HDHD5: variants seen among roughly 807,000 people sequenced by gnomAD.
HDHD5 encodes the protein haloacid dehalogenase like hydrolase domain containing 5.
Under a neutral mutation model 35.5 loss-of-function variants are expected in HDHD5, and 34 were observed. The ratio of observed to expected loss-of-function variants is 0.96; its 90% CI spans 0.73 to 1.28. HDHD5 has a LOEUF of 1.28. HDHD5 is among the 50% of genes most tolerant of loss of function. The pLI, the probability that HDHD5 is intolerant of heterozygous loss-of-function variation, is 0.00. For missense variants in HDHD5, 589 were observed against 560.2 expected, an observed-to-expected ratio of 1.05 and a Z score of -0.52; for synonymous variants, 248 against 240.6, an observed-to-expected ratio of 1.03 and a Z score of -0.29.
At chr22:17,159,598 GA>G (rs2061847702), upstream of HDHD5, 2 of 423,644 alleles carry the variant, frequency 4.7e-6, no homozygotes, top group African/African-American at 4.3e-5. Flanking sequence ...CAGCTTCGCG[GA>G]CTGTCTGGGC....
At chr22:17,157,426 T>TA (rs2061811282) in intron 1 of HDHD5, among the ~76,000 whole-genome samples, 2 of 152,032 alleles carry the variant, frequency 1.3e-5, no homozygotes, top group South Asian at 4.2e-4. Context: ...ATCCATTACA[T>TA]AGATGGGGAA....
chr22:17,138,604 C>T lies in HDHD5; in HGVS notation c.881G>A (p.Arg294Gln), dbSNP rs565778414. The T allele has an allele frequency of 3.1e-6, 5 of 1,614,206 alleles. No homozygotes were observed. Among genetic ancestry groups the T allele is most frequent in the South Asian group, 2.2e-5 (2 of 91,078 alleles). The change falls in exon 7 of 8, where the codon CGA (arginine) becomes CAA (glutamine). Residue 294 changes from arginine (R) to glutamine (Q), a missense_variant. By Grantham distance (43) the Arg-to-Gln change is conservative (BLOSUM62 1). Transcript: ENST00000336737. ...GGCCCAGCCCCGCCTCTCCGCCTGT[C>T]GCCTGATCAGGTCCTCGGCATACTG... is the stretch of plus-strand genomic sequence containing the variant. ...TYQYAEDLIR[R>Q]QAERRGWAAP...
chr22:17,142,527 C>T (rs1228704100), intron 5 of HDHD5: 3 of 152,240 alleles, frequency 2.0e-5, no homozygotes, highest in Admixed American at 6.5e-5. Flanking sequence ...CGGTAAAACA[C>T]GCCTGTCACA....
In HDHD5 at chr22:17,145,128, C is replaced by T. The variant is rs2061647064; in HGVS notation, c.444-11G>A. ...TTTCGGAAGCCCAGTCTGGAGCAAG[C>T]TCAGGAAGTAATGCTGGACAGTTCT... On this transcript the variant is annotated splice_polypyrimidine_tract_variant and intron_variant, in intron 3 of 7. Coordinates refer to ENST00000336737, the MANE Select transcript of HDHD5 (RefSeq NM_033070.3). The T allele has an allele frequency of 6.2e-7, 1 of 1,613,884 alleles. No homozygotes were observed.
chr22:17,158,045 G>A (rs1206932785), intron 1 of HDHD5, among the ~76,000 whole-genome samples: 2 of 152,218 alleles, frequency 1.3e-5, no homozygotes, highest in Non-Finnish European at 2.9e-5. Context: ...ATTTGGCCGG[G>A]TGCACTGGCT....
At chr22:17,148,081 AG>A (rs2061685620) in intron 3 of HDHD5, among the ~76,000 whole-genome samples, 1 of 152,222 alleles carries the variant, frequency 6.6e-6, no homozygotes, top group Admixed American at 6.5e-5. Context: ...CCCAAGGAAG[AG>A]GCTAGAGCAG....
chr22:17,152,665 G>C (rs1174113046), intron 1 of HDHD5, among the ~76,000 whole-genome samples: 1 of 152,070 alleles, frequency 6.6e-6, no homozygotes, highest in Non-Finnish European at 1.5e-5. Context: ...GCCTCTCAGA[G>C]AACCAGGAAG....
chr22:17,139,062 G>A (rs764105155), intron 6 of HDHD5, among the ~76,000 whole-genome samples: 5 of 152,184 alleles, frequency 3.3e-5, no homozygotes, highest in East Asian at 3.8e-4. Context: ...GGCAGACTAC[G>A]GTTGCGCTTC....
intron 4 of HDHD5, among the ~76,000 whole-genome samples, chr22:17,144,239 T>C (rs2061631938): frequency 6.6e-6 from 1 of 151,916 alleles, no homozygotes; most frequent in Non-Finnish European, 1.5e-5. Context: ...CATAAAGCCG[T>C]TCGCTTCTCT....
intron 4 of HDHD5, 106 bp from the exon 5 acceptor site, chr22:17,143,237 C>T (rs2061619923): frequency 1.6e-6 from 2 of 1,223,088 alleles, no homozygotes; most frequent in South Asian, 1.4e-5. Flanking sequence ...ACACACTCCA[C>T]AGACCCCACA....
At chr22:17,161,717 TA>T (rs71284927), upstream of HDHD5, among the ~76,000 whole-genome samples, 21 of 144,160 alleles carry the variant, frequency 1.5e-4, no homozygotes, top group East Asian at 1.2e-3. Context: ...AATATATATA[TA>T]AAAAAAAAAT....
In HDHD5 at chr22:17,138,041, C is replaced by A. The variant is rs1476304663; in HGVS notation, c.1252G>T (p.Glu418Ter). 2 of 1,612,964 alleles carry A rather than the reference C, an allele frequency of 1.2e-6. No homozygotes were observed. The highest frequency in any genetic ancestry group is 2.7e-5 in the African/African-American group (2 of 74,916). The change falls in exon 8 of 8, where the codon GAG becomes TAG. Residue 418 changes from glutamate to a stop codon, truncating the protein, a stop_gained. Transcript: ENST00000336737. LOFTEE classifies it high-confidence loss of function. The part of the protein sequence containing the change: ...NEAVQLVFRK[E>*]GWALE The stretch of plus-strand genomic sequence containing the variant: ...TGCCCTCACTCCAAAGCCCAGCCCT[C>A]CTTGCGGAAGACCAGCTGCACAGCC...
intron 1 of HDHD5, among the ~76,000 whole-genome samples, chr22:17,151,388 C>T (rs2061722944): frequency 6.6e-6 from 1 of 152,126 alleles, no homozygotes; most frequent in Admixed American, 6.6e-5. Context: ...CTTACTGACA[C>T]ACCTACTCTA....
intron 3 of HDHD5, among the ~76,000 whole-genome samples, chr22:17,147,353 T>G (rs1159113962): frequency 4.2e-5 from 4 of 95,956 alleles, no homozygotes; most frequent in Admixed American, 1.1e-4. Flanking sequence ...CCCACACCTG[T>G]GGCGCACTCC....
chr22:17,161,564 CAA>C (rs879664806), upstream of HDHD5, among the ~76,000 whole-genome samples: 5 of 115,606 alleles, frequency 4.3e-5, no homozygotes, highest in Non-Finnish European at 7.3e-5. Context: ...ACTATGTCTC[CAA>C]AAAAAAAAAA....
rs370532100 is a variant in HDHD5 at position 17,141,044 on chromosome 22, G to A, written c.746+15C>T. 6 of 1,565,712 alleles carry A rather than the reference G, an allele frequency of 3.8e-6. No individual in the cohort carries two copies. In the African/African-American group the frequency reaches 4.2e-5, roughly 11 times the overall value. ...ATAGACCACCAGGCCAAGGCTGGGA[G>A]CTTTGTGTCCTCACCTGGGCATCTT... is the stretch of plus-strand genomic sequence containing the variant. On this transcript the variant is annotated intron_variant, in intron 6 of 7. Transcript: ENST00000336737.
At chr22:17,146,644 C>G (rs2061667534) in intron 3 of HDHD5, among the ~76,000 whole-genome samples, 1 of 18,012 alleles carries the variant, frequency 5.6e-5, no homozygotes. Context: ...CCTTCGATCA[C>G]ACGTCATCGC....
chr22:17,157,657 C>A (rs2061814560), intron 1 of HDHD5, among the ~76,000 whole-genome samples: 1 of 152,202 alleles, frequency 6.6e-6, no homozygotes. Flanking sequence ...TATATCCTGA[C>A]AGTTTGTAAG....
chr22:17,140,525 C>T (rs1413122183), intron 6 of HDHD5, among the ~76,000 whole-genome samples: 1 of 152,088 alleles, frequency 6.6e-6, no homozygotes, highest in Non-Finnish European at 1.5e-5. Flanking sequence ...TTCAAGGCTG[C>T]AGTGAGCTAT....
Sources: gnomAD v4.1 joint callset for allele counts (sites outside exome capture counted in the v4.1 genomes callset) on GRCh38, gnomAD v4.1.1 for gene constraint, MANE v1.5 for transcripts, NCBI Gene and HGNC (gene_info 2026-07-23, HGNC 2026-07-21) for gene names.